FGD4: variants seen among roughly 807,000 people sequenced by gnomAD.
The protein encoded by FGD4 is FYVE, RhoGEF and PH domain containing 4.
In FGD4, 42 loss-of-function variants were observed where a neutral mutation model predicts 102.0. The ratio of observed to expected loss-of-function variants is 0.41; its 90% confidence interval spans 0.32 to 0.53. The LOEUF (loss-of-function observed/expected upper bound fraction) is 0.53. Ranked by LOEUF, FGD4 falls within the 20% of genes least tolerant of loss-of-function variation. FGD4 has a pLI of 0.21. For synonymous variants in FGD4, 380 were observed against 375.7 expected, an observed-to-expected ratio of 1.01 and a Z score of -0.13; for missense variants, 902 against 1,078.2, an observed-to-expected ratio of 0.84 and a Z score of 2.29.
At chr12:32,562,398 A>AG in intron 1 of FGD4, among the ~76,000 whole-genome samples, 1 of 152,306 alleles carries the variant, frequency 6.6e-6, no homozygotes, top group Middle Eastern at 3.4e-3. Flanking sequence ...TTATGGGGTC[A>AG]GGGGAAATTT....
At chr12:32,421,831 A>G (rs1941636574) in intron 1 of FGD4, among the ~76,000 whole-genome samples, 1 of 152,160 alleles carries the variant, frequency 6.6e-6, no homozygotes, top group Non-Finnish European at 1.5e-5. Context: ...TTTAGTTCAC[A>G]GCTTGTATAG....
Position 32,591,371 on chromosome 12 carries a change from C to T in FGD4, c.1012-7126C>T, listed in dbSNP as rs78968497. On this transcript the variant is annotated intron_variant, in intron 4 of 16. Coordinates refer to ENST00000534526, the MANE Select transcript of FGD4 (RefSeq NM_001370298.3). ...TTTGGTATATGTTTTTAGGAAAATT[C>T]TTCCTACCTAAAATGAAATCACATA... is the stretch of plus-strand genomic sequence containing the variant. 4.9e-3 allele frequency among the ~76,000 whole-genome samples: 750 copies of T among 152,280 alleles called. 5 individuals are homozygous for T. The highest frequency in any genetic ancestry group is 0.017 in the African/African-American group (720 of 41,558).
intron 16 of FGD4, among the ~76,000 whole-genome samples, chr12:32,639,528 A>T (rs1951043958): frequency 6.6e-6 from 1 of 152,058 alleles, no homozygotes; most frequent in South Asian, 2.1e-4. Flanking sequence ...AAGGAGTTTG[A>T]GAGGAAGGGG....
chr12:32,507,575 C>A (rs1433946594), intron 1 of FGD4, among the ~76,000 whole-genome samples: 1 of 152,196 alleles, frequency 6.6e-6, no homozygotes, highest in African/African-American at 2.4e-5. Flanking sequence ...CGTTACTTCT[C>A]TTTCAGGACT....
Position 32,399,935 on chromosome 12 carries a change from G to A in FGD4, c.142G>A (p.Gly48Ser), listed in dbSNP as rs1331279685. 1.2e-5 allele frequency: 18 copies of A among 1,504,778 alleles called. No individual in the cohort carries two copies. Among genetic ancestry groups the A allele is most frequent in the Non-Finnish European group, 1.6e-5 (18 of 1,133,032 alleles). 93.2% of individuals were successfully genotyped at this position (1,504,778 alleles called of 1,614,324 possible). The change falls in exon 1 of 17, where the codon GGC (glycine) becomes AGC (serine). Residue 48 changes from glycine to serine, a missense_variant. Physicochemically the swap from Gly to Ser is moderately conservative, Grantham distance 56. Around this residue, in one of 2 missense-constraint regions of FGD4, gnomAD observed 443 missense variants for 459.2 expected, o/e 0.96. Coordinates refer to ENST00000534526, the MANE Select transcript of FGD4 (RefSeq NM_001370298.3). ...ACGTGTAGGGACCGCTGCCTTCAAG[G>A]GCCAGGTGCCCTCAGGAGCCACAGG... ...LGRVGTAAFK[G>S]QVPSGATGSS...
At chr12:32,555,403 T>G (rs1224064555) in intron 1 of FGD4, among the ~76,000 whole-genome samples, 1 of 152,044 alleles carries the variant, frequency 6.6e-6, no homozygotes, top group African/African-American at 2.4e-5. Flanking sequence ...AAGATGCTGG[T>G]AGGCAACTGC....
chr12:32,520,672 G>A (rs1026931664), intron 1 of FGD4, among the ~76,000 whole-genome samples: 3 of 151,910 alleles, frequency 2.0e-5, no homozygotes, highest in Admixed American at 6.6e-5. Flanking sequence ...TCCTGACCTC[G>A]TGATCCACCC....
At chr12:32,485,472 G>A (rs903468710) in intron 1 of FGD4, among the ~76,000 whole-genome samples, 2 of 115,526 alleles carry the variant, frequency 1.7e-5, no homozygotes, top group African/African-American at 3.3e-5. Context: ...ACAGAGACTC[G>A]CCCTGTTGCC....
chr12:32,437,337 C>T (rs1236146651), intron 1 of FGD4, among the ~76,000 whole-genome samples: 2 of 152,140 alleles, frequency 1.3e-5, no homozygotes, highest in Non-Finnish European at 2.9e-5. Flanking sequence ...CTTGAAGAAG[C>T]TGGGACACCC....
chr12:32,551,552 A>G (rs964395806), intron 1 of FGD4, among the ~76,000 whole-genome samples: 7 of 152,182 alleles, frequency 4.6e-5, no homozygotes, highest in African/African-American at 1.7e-4. Flanking sequence ...CCTCAGGAAA[A>G]TGAGGGTTAT....
intron 2 of FGD4, among the ~76,000 whole-genome samples, chr12:32,575,675 G>T (rs1237263732): frequency 6.6e-6 from 1 of 152,166 alleles, no homozygotes; most frequent in African/African-American, 2.4e-5. Context: ...GAAGAGAATA[G>T]TAGTACCTAC....
intron 2 of FGD4, among the ~76,000 whole-genome samples, chr12:32,570,446 T>C (rs1020206727): frequency 2.0e-5 from 3 of 151,980 alleles, no homozygotes; most frequent in African/African-American, 7.2e-5. Flanking sequence ...TATTTACTTA[T>C]GTATTTAATT....
intron 1 of FGD4, among the ~76,000 whole-genome samples, chr12:32,400,477 C>T (rs1361205696): frequency 6.6e-6 from 1 of 152,190 alleles, no homozygotes; most frequent in Non-Finnish European, 1.5e-5. Context: ...CTGTTCCTAA[C>T]ATCAGAAAAC....
At position 32,414,373 on chromosome 12, in the gene FGD4, C is replaced by T. The variant is rs1020830330; in HGVS notation, c.166+14414C>T. Among the ~76,000 whole-genome samples, 4 of 151,938 alleles carry T rather than the reference C, an allele frequency of 2.6e-5. No individual in the cohort carries two copies. The East Asian group carries it at 5.8e-4, about 22-fold the overall frequency. The stretch of plus-strand genomic sequence containing the variant: ...GAGGTACTTTGATACAGGCATGCAA[C>T]GGGTAATAATCACATCGTGGAAAAT... On this transcript the variant is annotated intron_variant, in intron 1 of 16. Coordinates refer to ENST00000534526, the MANE Select transcript of FGD4 (RefSeq NM_001370298.3).
chr12:32,473,303 T>G (rs1943478116), intron 1 of FGD4, among the ~76,000 whole-genome samples: 1 of 151,890 alleles, frequency 6.6e-6, no homozygotes. Context: ...TTGCAATAAC[T>G]CTTGCTACTG....
At chr12:32,462,705 T>C (rs1943141379) in intron 1 of FGD4, among the ~76,000 whole-genome samples, 1 of 152,160 alleles carries the variant, frequency 6.6e-6, no homozygotes, top group Admixed American at 6.5e-5. Flanking sequence ...GCTGGCAATA[T>C]CCAAGGGCCA....
At chr12:32,578,815 A>C (rs1254451207) in intron 3 of FGD4, among the ~76,000 whole-genome samples, 1 of 151,164 alleles carries the variant, frequency 6.6e-6, no homozygotes, top group Non-Finnish European at 1.5e-5. Flanking sequence ...TGGGCGACGG[A>C]GTGGGACCCT....
intron 1 of FGD4, among the ~76,000 whole-genome samples, chr12:32,466,706 A>G (rs911592774): frequency 1.3e-5 from 2 of 151,880 alleles, no homozygotes; most frequent in Non-Finnish European, 2.9e-5. Flanking sequence ...TGTCTCTACT[A>G]AAGATACAAA....
At chr12:32,632,848 G>A (rs1950574052) in intron 14 of FGD4, among the ~76,000 whole-genome samples, 4 of 151,608 alleles carry the variant, frequency 2.6e-5, no homozygotes, top group Admixed American at 2.6e-4. Flanking sequence ...GATTATAGGT[G>A]TGAGCCACCA....
Sources: gnomAD v4.1 joint callset for allele counts (sites outside exome capture counted in the v4.1 genomes callset) on GRCh38, gnomAD v4.1.1 for gene constraint, gnomAD v4.1.1 regional missense constraint, MANE v1.5 for transcripts, NCBI Gene and HGNC (gene_info 2026-07-23, HGNC 2026-07-21) for gene names.